ATL1: variants seen among roughly 807,000 people sequenced by gnomAD.
ATL1 encodes atlastin-1.
Under a neutral mutation model 75.5 loss-of-function variants are expected in ATL1, and 31 were observed. That is an observed-to-expected ratio of 0.41 (90% CI 0.31 to 0.55). ATL1 has a LOEUF of 0.55. ATL1 is among the 20% of genes least tolerant of loss of function. The pLI is 0.27. For missense variants in ATL1, 405 were observed against 662.6 expected, an observed-to-expected ratio of 0.61 and a Z score of 4.27; for synonymous variants, 226 against 233.3, an observed-to-expected ratio of 0.97 and a Z score of 0.28.
rs749690836 is a variant in ATL1, at chr14:50,593,899, A to G, written c.573+3A>G. On this transcript the variant is annotated splice_donor_region_variant and intron_variant, in intron 5 of 13. Coordinates refer to ENST00000358385, the MANE Select transcript of ATL1 (RefSeq NM_015915.5). ...AGGATGATCTTCAGCACCTCCAGGT[A>G]ACAATATTTATTTTCTTTTTTGTGT... 3.7e-6 allele frequency: 6 copies of G among 1,603,176 alleles called. No individual in the cohort carries two copies. Among genetic ancestry groups the G allele is most frequent in the African/African-American group, 1.3e-5 (1 of 74,832 alleles).
chr14:50,599,088 TTAC>T (rs144662262), intron 6 of ATL1, among the ~76,000 whole-genome samples: 3,012 of 152,282 alleles, frequency 0.02, 105 homozygotes, highest in African/African-American at 0.068. Flanking sequence ...TTGATGCATA[TTAC>T]TACATCAAAA....
At chr14:50,560,324 C>T (rs972677846) in intron 1 of ATL1, 25 bp downstream of exon 1, 3 of 1,612,776 alleles carry the variant, frequency 1.9e-6, no homozygotes, top group Non-Finnish European at 2.5e-6. Flanking sequence ...AGAACTTCTG[C>T]AGCCTGCACG....
intron 11 of ATL1, 22 bp downstream of exon 11, chr14:50,623,270 TTC>T: frequency 6.3e-7 from 1 of 1,596,580 alleles, no homozygotes; most frequent in Non-Finnish European, 8.6e-7. Flanking sequence ...ATATTTTAAA[TTC>T]TGTCTTAAAC....
intron 1 of ATL1, among the ~76,000 whole-genome samples, chr14:50,565,355 C>T (rs991078901): frequency 8.6e-5 from 13 of 151,470 alleles, no homozygotes; most frequent in African/African-American, 2.9e-4. Context: ...CATGATGGTG[C>T]ATGCTTGTAA....
Position 50,549,761 on chromosome 14 carries a change from G to GA in ATL1, c.-139-10358dup, listed in dbSNP as rs796467171. Among the ~76,000 whole-genome samples the GA allele has an allele frequency of 1.1e-4, 17 of 151,980 alleles. 1 individual carries two copies. Among genetic ancestry groups the GA allele is most frequent in the South Asian group, 4.2e-4 (2 of 4,810 alleles). On this transcript the variant is annotated intron_variant, in intron 1 of 13. Transcript: ENST00000441560. ...TAACCCAACAGGGGCAGGACTCACA[G>GA]AAAAAAAAGGAATGGCCTTTTAAAA...
chr14:50,549,298 C>G (rs768928137), intron 1 of ATL1, among the ~76,000 whole-genome samples: 2 of 152,162 alleles, frequency 1.3e-5, no homozygotes, highest in Non-Finnish European at 2.9e-5. Flanking sequence ...ATCATAAGAG[C>G]AGCCACAGGG....
chr14:50,627,503 CCTAA>C (rs1185174977), intron 11 of ATL1, among the ~76,000 whole-genome samples: 7 of 152,246 alleles, frequency 4.6e-5, no homozygotes, highest in Middle Eastern at 3.4e-3. Context: ...TTAATATACT[CCTAA>C]CTTAGTTTCT....
At chr14:50,595,013 C>A (rs145184523) in intron 5 of ATL1, among the ~76,000 whole-genome samples, 157 of 126,446 alleles carry the variant, frequency 1.2e-3, no homozygotes, top group South Asian at 2.3e-3. Flanking sequence ...AAAAAAAAAA[C>A]AAAAAAGAAA....
chr14:50,560,241 C>T lies in ATL1; in HGVS notation c.-25C>T. 1 of 1,613,492 alleles carries T rather than the reference C, an allele frequency of 6.2e-7. No individual in the cohort carries two copies. Among genetic ancestry groups the T allele is most frequent in the Non-Finnish European group, 8.5e-7 (1 of 1,179,678 alleles). ...GGCAGCGAGCGCAGTGACAGCGCCT[C>T]ACCGCCACCAGCTCCTGGACCACCA... is the stretch of plus-strand genomic sequence containing the variant. On this transcript the variant is annotated 5_prime_UTR_variant, in exon 1 of 14. Transcript: ENST00000358385.
chr14:50,626,981 A>C (rs946207550), intron 11 of ATL1, among the ~76,000 whole-genome samples: 1 of 152,124 alleles, frequency 6.6e-6, no homozygotes, highest in African/African-American at 2.4e-5. Context: ...GAGAGGATTG[A>C]CTCCAATTTT....
chr14:50,560,045 A>G (rs1206664892), upstream of ATL1: 1 of 598,176 alleles, frequency 1.7e-6, no homozygotes, highest in Non-Finnish European at 3.0e-6. Context: ...TGACGCTGGT[A>G]TCTGTGTGAA....
chr14:50,557,291 C>T (rs894294576), upstream of ATL1, among the ~76,000 whole-genome samples: 5 of 152,218 alleles, frequency 3.3e-5, no homozygotes, highest in African/African-American at 9.6e-5. Context: ...ATCCCTACTA[C>T]CCTCTTCCCA....
upstream of ATL1, among the ~76,000 whole-genome samples, chr14:50,558,867 A>G (rs2038797990): frequency 6.6e-6 from 1 of 152,234 alleles, no homozygotes; most frequent in African/African-American, 2.4e-5. Flanking sequence ...TCTGTTGAGC[A>G]CAGACTTCTT....
intron 1 of ATL1, among the ~76,000 whole-genome samples, chr14:50,542,785 C>A (rs761704674): frequency 4.6e-5 from 7 of 152,106 alleles, no homozygotes; most frequent in Non-Finnish European, 1.0e-4. Context: ...AATTCTGTGC[C>A]CACACCATAA....
chr14:50,608,012 T>C (rs531144322), intron 6 of ATL1, among the ~76,000 whole-genome samples: 33 of 152,274 alleles, frequency 2.2e-4, no homozygotes, highest in Admixed American at 3.3e-4. Context: ...GGGACGCTAA[T>C]AAAATTTGTC....
intron 1 of ATL1, 108 bp downstream of exon 1, chr14:50,560,407 A>T: frequency 7.0e-7 from 1 of 1,429,084 alleles, no homozygotes. Flanking sequence ...GCCTGCGTCC[A>T]CGGCTGGGAG....
intron 1 of ATL1, among the ~76,000 whole-genome samples, chr14:50,534,395 A>G (rs2038465881): frequency 6.6e-6 from 1 of 152,236 alleles, no homozygotes; most frequent in African/African-American, 2.4e-5. Context: ...AGAGGCATAT[A>G]TTTTCCTAAT....
intron 1 of ATL1, among the ~76,000 whole-genome samples, chr14:50,564,364 A>G (rs1019315363): frequency 2.0e-5 from 3 of 152,186 alleles, no homozygotes; most frequent in African/African-American, 4.8e-5. Context: ...TAGTATTCGC[A>G]CTAGGCTGGG....
At chr14:50,632,112 A>G (rs1002335667) in intron 13 of ATL1, 117 bp from the exon 14 acceptor site, 14 of 632,570 alleles carry the variant, frequency 2.2e-5, no homozygotes, top group Non-Finnish European at 3.5e-5. Flanking sequence ...ATATCGATTA[A>G]AAAAGATTTC....
Sources: gnomAD v4.1 joint callset for allele counts (sites outside exome capture counted in the v4.1 genomes callset) on GRCh38, gnomAD v4.1.1 for gene constraint, MANE v1.5 for transcripts, NCBI Gene and HGNC (gene_info 2026-07-23, HGNC 2026-07-21) for gene names.